Variants in CA10 observed in about 807,000 individuals in gnomAD.
The protein encoded by CA10 is carbonic anhydrase-related protein 10.
Under a neutral mutation model 44.2 loss-of-function variants are expected in CA10, and 14 were observed. The observed-to-expected ratio is 0.32, with a 90% CI of 0.21 to 0.50. The LOEUF (loss-of-function observed/expected upper bound fraction) is 0.50, where lower values mean the gene tolerates loss of function less well. Ranked by LOEUF, CA10 falls within the 20% of genes least tolerant of loss-of-function variation. The pLI, the probability that CA10 is intolerant of heterozygous loss-of-function variation, is 0.99. For synonymous variants in CA10, 159 were observed against 141.6 expected, an observed-to-expected ratio of 1.12 and a Z score of -0.87; for missense variants, 350 against 409.7, an observed-to-expected ratio of 0.85 and a Z score of 1.26.
intron 3 of CA10, among the ~76,000 whole-genome samples, chr17:51,901,085 T>C (rs1981293392): frequency 6.6e-6 from 1 of 152,200 alleles, no homozygotes; most frequent in African/African-American, 2.4e-5. Context: ...AGAAGACATC[T>C]TGGCTTTTTG....
intron 2 of CA10, among the ~76,000 whole-genome samples, chr17:51,999,780 C>T (rs912044118): frequency 6.6e-6 from 1 of 152,048 alleles, no homozygotes; most frequent in African/African-American, 2.4e-5. Flanking sequence ...CTTTTCTTCT[C>T]TACTGCTTTA....
intron 4 of CA10, among the ~76,000 whole-genome samples, chr17:51,747,272 G>T (rs1904721054): frequency 6.6e-6 from 1 of 152,214 alleles, no homozygotes; most frequent in South Asian, 2.1e-4. Context: ...TATCATATGT[G>T]ACACGTGAGA....
chr17:52,041,800 T>A (rs567330222), intron 2 of CA10, among the ~76,000 whole-genome samples: 1 of 152,224 alleles, frequency 6.6e-6, no homozygotes, highest in South Asian at 2.1e-4. Flanking sequence ...TTCTATGAGT[T>A]CTAATTTTTT....
At chr17:51,787,773 C>T (rs560913994) in intron 3 of CA10, among the ~76,000 whole-genome samples, 5 of 152,290 alleles carry the variant, frequency 3.3e-5, no homozygotes, top group South Asian at 2.1e-4. Flanking sequence ...GGATTACAGG[C>T]GTAAGCCACT....
At chr17:52,096,513 C>T (rs367952014) in intron 1 of CA10, among the ~76,000 whole-genome samples, 1 of 152,126 alleles carries the variant, frequency 6.6e-6, no homozygotes, top group African/African-American at 2.4e-5. Flanking sequence ...AATCTTTTAT[C>T]CCCCATCCTA....
intron 2 of CA10, among the ~76,000 whole-genome samples, chr17:51,951,619 T>G (rs1468342584): frequency 6.6e-6 from 1 of 152,126 alleles, no homozygotes; most frequent in Non-Finnish European, 1.5e-5. Flanking sequence ...ATGCAAAAAT[T>G]TGGGTGATGG....
At chr17:52,075,711 T>A (rs2143150957) in intron 1 of CA10, among the ~76,000 whole-genome samples, 1 of 152,144 alleles carries the variant, frequency 6.6e-6, no homozygotes, top group Middle Eastern at 3.4e-3. Context: ...TCCAAAATAT[T>A]CCCCCAGAAA....
chr17:51,695,712 G>T (rs1407164197), intron 4 of CA10, among the ~76,000 whole-genome samples: 3 of 152,134 alleles, frequency 2.0e-5, no homozygotes, highest in African/African-American at 7.2e-5. Flanking sequence ...TTGAATAGAA[G>T]TAGTGAGAAT....
chr17:51,782,822 C>G (rs922758162), intron 3 of CA10, among the ~76,000 whole-genome samples: 13 of 152,160 alleles, frequency 8.5e-5, no homozygotes, highest in Non-Finnish European at 4.4e-5. Context: ...GGTGGCTTGG[C>G]AGACATCAGC....
chr17:51,634,691 A>T (rs4794285), intron 7 of CA10, among the ~76,000 whole-genome samples: 35 of 152,314 alleles, frequency 2.3e-4, no homozygotes, highest in Admixed American at 2.6e-4. Flanking sequence ...ATCCAAAAAA[A>T]ACACTGCACA....
intron 2 of CA10, among the ~76,000 whole-genome samples, chr17:52,035,079 C>T (rs761659697): frequency 2.6e-4 from 40 of 152,114 alleles, no homozygotes; most frequent in Non-Finnish European, 3.2e-4. Context: ...TGGTGAAGCC[C>T]CACCTTCAAG....
chr17:52,015,019 A>T (rs945935847), intron 2 of CA10, among the ~76,000 whole-genome samples: 8 of 152,228 alleles, frequency 5.3e-5, no homozygotes, highest in Middle Eastern at 3.4e-3. Flanking sequence ...AAATATAATT[A>T]AAAAAGCAGT....
intron 1 of CA10, among the ~76,000 whole-genome samples, chr17:52,083,652 G>A (rs979397435): frequency 8.6e-5 from 13 of 151,938 alleles, no homozygotes; most frequent in African/African-American, 2.9e-4. Flanking sequence ...TCACTTATAA[G>A]TATTTGTGAT....
intron 2 of CA10, among the ~76,000 whole-genome samples, chr17:51,994,736 TA>T (rs1402207760): frequency 6.6e-6 from 1 of 152,034 alleles, no homozygotes; most frequent in African/African-American, 2.4e-5. Context: ...TAAAATTTAT[TA>T]AAAATTATAG....
chr17:52,139,696 G>GCTTACATCTTA (rs1989435673), intron 1 of CA10, among the ~76,000 whole-genome samples: 3 of 152,086 alleles, frequency 2.0e-5, no homozygotes, highest in Admixed American at 6.6e-5. Flanking sequence ...TCTGGATTCA[G>GCTTACATCTTA]ACAGGTCCAC....
intron 1 of CA10, among the ~76,000 whole-genome samples, chr17:52,153,302 T>C (rs1051027237): frequency 6.6e-6 from 1 of 152,148 alleles, no homozygotes; most frequent in Non-Finnish European, 1.5e-5. Flanking sequence ...GATCATCAGA[T>C]AAATAGTCAT....
chr17:51,633,568 G>A lies in CA10; in HGVS notation c.872C>T (p.Pro291Leu), dbSNP rs1211163096. 2 of 1,614,060 alleles carry A rather than the reference G, an allele frequency of 1.2e-6. No individual in the cohort carries two copies. Among genetic ancestry groups the A allele is most frequent in the South Asian group, 1.1e-5 (1 of 91,058 alleles). ...SMSDNFRPVQ[P>L]LNNRCIRTNI... is the part of the protein sequence containing the mutation. ...GGTGCGGATGCAGCGGTTGTTGAGTGGCTGGACAGGCCTGAAGTTGTCACT... is the reference window on the plus strand; with the variant it reads ...GGTGCGGATGCAGCGGTTGTTGAGTAGCTGGACAGGCCTGAAGTTGTCACT... The change falls in exon 8 of 9, where the codon CCA becomes CTA. Residue 291 changes from proline (P) to leucine (L), a missense_variant. By Grantham distance (98) the Pro-to-Leu change is moderately conservative (BLOSUM62 -3). Coordinates refer to ENST00000451037, the MANE Select transcript of CA10 (RefSeq NM_020178.5).
chr17:51,998,870 T>C (rs1000721539), intron 2 of CA10, among the ~76,000 whole-genome samples: 1 of 152,030 alleles, frequency 6.6e-6, no homozygotes, highest in Non-Finnish European at 1.5e-5. Context: ...TCTCTCTCTC[T>C]TCCATATAGA....
chr17:51,928,149 G>A (rs1476108528), intron 3 of CA10, among the ~76,000 whole-genome samples: 4 of 151,994 alleles, frequency 2.6e-5, no homozygotes, highest in South Asian at 2.1e-4. Flanking sequence ...GATCCAAGTC[G>A]AAACAAAAAA....
Sources: allele counts gnomAD v4.1 joint callset (sites outside exome capture counted in the v4.1 genomes callset), GRCh38; gene constraint gnomAD v4.1.1; transcripts MANE v1.5; gene names NCBI Gene and HGNC (gene_info 2026-07-23, HGNC 2026-07-21).